ANKRD34C: variants seen among roughly 807,000 people sequenced by gnomAD.
ANKRD34C encodes ankyrin repeat domain-containing protein 34C.
For synonymous variants in ANKRD34C, 260 were observed against 253.6 expected (o/e 1.03, Z -0.24); for missense variants, 563 against 653.0 (o/e 0.86, Z 1.50).
Position 79,293,492 on chromosome 15 carries a change from T to G in ANKRD34C, c.208T>G (p.Tyr70Asp). The G allele has an allele frequency of 6.4e-7, 1 of 1,551,632 alleles. No homozygotes were observed. The highest frequency in any genetic ancestry group is 8.7e-7 in the Non-Finnish European group (1 of 1,146,956). Residue 70 changes from tyrosine (Y) to aspartate (D), a missense_variant, in exon 2 of 2, where the codon TAC becomes GAC. Physicochemically the swap from Tyr to Asp is radical, Grantham distance 160 (BLOSUM62 -3). Coordinates refer to ENST00000421388, the MANE Select transcript of ANKRD34C (RefSeq NM_001146341.2). ...CATCAGCAAGTCCAAGATGGTGAAG[T>G]ACCTGCTGGACAACAGGGCAGACCC... is the stretch of plus-strand genomic sequence containing the variant. ...QSISKSKMVK[Y>D]LLDNRADPNI...
rs1274672421 is a variant in ANKRD34C, at chr15:79,291,599, C to CAGAGAG, written c.-44-1641_-44-1640insGAGAGA. ...ACACACACACACACACACACACACA[C>CAGAGAG]ACAGAGAGAGAGAGAGAGAGAGAGA... On this transcript the variant is annotated intron_variant, in intron 1 of 1. Coordinates refer to ENST00000421388, the MANE Select transcript of ANKRD34C (RefSeq NM_001146341.2). Among the ~76,000 whole-genome samples, 10 of 104,156 alleles carry CAGAGAG rather than the reference C, an allele frequency of 9.6e-5. No homozygotes were observed. In the East Asian group the frequency reaches 2.3e-3, roughly 24 times the overall value. 68.3% of individuals were successfully genotyped at this position (104,156 alleles called of 152,430 possible). A position where few individuals can be genotyped will look rare whatever the true frequency, so the allele number is the denominator to read the frequency against.
At position 79,288,684 on chromosome 15, in the gene ANKRD34C, C is replaced by T. The variant is rs146153029; in HGVS notation, c.-44-4557C>T. Among the ~76,000 whole-genome samples, 1,515 of 152,168 alleles carry T rather than the reference C, an allele frequency of 1.0e-2. 35 individuals carry two copies. Among genetic ancestry groups the T allele is most frequent in the African/African-American group, 0.034 (1,402 of 41,510 alleles). On this transcript the variant is annotated intron_variant, in intron 1 of 1. Transcript: ENST00000421388. ...AGAAAGCAAGGTGAGTGTGTAACAC[C>T]CAGAGACAGGGAAAGTAGGCATGGT... is the stretch of plus-strand genomic sequence containing the variant.
At chr15:79,285,094 C>T (rs77341485) in intron 1 of ANKRD34C, among the ~76,000 whole-genome samples, 1,750 of 152,258 alleles carry the variant, frequency 0.011, 40 homozygotes, top group African/African-American at 0.04. Context: ...CAGGTTTGCA[C>T]GTATTCGAAG....
rs1229312563 is a variant in ANKRD34C at position 79,296,103 on chromosome 15, G to T, written c.*1211G>T. On this transcript the variant is annotated 3_prime_UTR_variant, in exon 2 of 2. Coordinates refer to ENST00000421388, the MANE Select transcript of ANKRD34C (RefSeq NM_001146341.2). ...GTTATTTCCATTTATGTTTCCTCTC[G>T]TGCTGCTGAGATCTATTTGCTCTAT... is the stretch of plus-strand genomic sequence containing the variant. The T allele has an allele frequency of 6.0e-6, 1 of 167,034 alleles. No homozygotes were observed. Among genetic ancestry groups the T allele is most frequent in the Non-Finnish European group, 1.5e-5 (1 of 68,124 alleles). 10.3% of individuals were successfully genotyped at this position (167,034 alleles called of 1,614,324 possible). A position where few individuals can be genotyped will look rare whatever the true frequency, so the allele number is the denominator to read the frequency against.
chr15:79,293,524 C>T lies in ANKRD34C; in HGVS notation c.240C>T (p.Ile80=). The stretch of plus-strand genomic sequence containing the variant: ...TGGACAACAGGGCAGACCCCAATAT[C>T]CAAGATAAGTCTGGCAAGACTGCCC... The part of the protein sequence containing the change: ...YLLDNRADPN[I]QDKSGKTALI... The change falls in exon 2 of 2, where the codon ATC becomes ATT. Residue 80 remains isoleucine, a synonymous_variant. Coordinates refer to ENST00000421388, the MANE Select transcript of ANKRD34C (RefSeq NM_001146341.2). The T allele has an allele frequency of 6.4e-7, 1 of 1,551,522 alleles. No homozygotes were observed. The highest frequency in any genetic ancestry group is 8.7e-7 in the Non-Finnish European group (1 of 1,146,910).
At chr15:79,292,527 T>C (rs1596040274) in intron 1 of ANKRD34C, among the ~76,000 whole-genome samples, 1 of 152,188 alleles carries the variant, frequency 6.6e-6, no homozygotes, top group East Asian at 1.9e-4. Flanking sequence ...ACGGAGAATA[T>C]GAATTCTGAC....
rs1297680100 is a variant in ANKRD34C, at chr15:79,294,647, A to G, written c.1363A>G (p.Ile455Val). Reference sequence around the variant, plus strand: ...TTCTGGAACTCTGCTCCTTGATCGCATTTCTCACACTAGGCCTGGCTTCCT... The same window carrying G: ...TTCTGGAACTCTGCTCCTTGATCGCGTTTCTCACACTAGGCCTGGCTTCCT... ...RGSGTLLLDR[I>V]SHTRPGFLPP... Residue 455 changes from isoleucine to valine, a missense_variant, in exon 2 of 2, where the codon ATT becomes GTT. Coordinates refer to ENST00000421388, the MANE Select transcript of ANKRD34C (RefSeq NM_001146341.2). 6.4e-7 allele frequency: 1 copy of G among 1,551,648 alleles called. No homozygotes were observed. Among genetic ancestry groups the G allele is most frequent in the Non-Finnish European group, 8.7e-7 (1 of 1,146,976 alleles).
At chr15:79,290,188 C>CT (rs11382951) in intron 1 of ANKRD34C, among the ~76,000 whole-genome samples, 27,014 of 108,738 alleles carry the variant, frequency 0.25, 4,068 homozygotes, top group East Asian at 0.48. Context: ...TGACACCCAG[C>CT]TTTTTTTTTT....
chr15:79,293,468 A>G lies in ANKRD34C; in HGVS notation c.184A>G (p.Ile62Val). Residue 62 changes from isoleucine to valine, a missense_variant, in exon 2 of 2, where the codon ATC (isoleucine) becomes GTC (valine). By Grantham distance (29) the Ile-to-Val change is conservative. Coordinates refer to ENST00000421388, the MANE Select transcript of ANKRD34C (RefSeq NM_001146341.2). ...CACCAAACATGTGGACCAGCAAAGC[A>G]TCAGCAAGTCCAAGATGGTGAAGTA... ...CITKHVDQQS[I>V]SKSKMVKYLL... The G allele has an allele frequency of 6.4e-7, 1 of 1,551,708 alleles. No individual in the cohort carries two copies. The highest frequency in any genetic ancestry group is 8.7e-7 in the Non-Finnish European group (1 of 1,146,982).
chr15:79,291,558 T>TCACACACACACA lies in ANKRD34C; in HGVS notation c.-44-1650_-44-1639dup, dbSNP rs138141895. ...CAGAAAGAGAGGAGAGAAAGACCAT[T>TCACACACACACA]CACACACACACACACACACACACAC... On this transcript the variant is annotated intron_variant, in intron 1 of 1. Coordinates refer to ENST00000421388, the MANE Select transcript of ANKRD34C (RefSeq NM_001146341.2). 2.0e-3 allele frequency among the ~76,000 whole-genome samples: 100 copies of TCACACACACACA among 51,002 alleles called. 1 individual carries two copies. The highest frequency in any genetic ancestry group is 7.2e-3 in the East Asian group (19 of 2,622). The allele number at this position is 51,002 out of a possible 152,430, so 33.5% of individuals were successfully genotyped here.
At chr15:79,287,321 C>T (rs558290655) in intron 1 of ANKRD34C, among the ~76,000 whole-genome samples, 70 of 152,228 alleles carry the variant, frequency 4.6e-4, no homozygotes, top group Admixed American at 1.6e-3. Context: ...TAGTACCCAC[C>T]TCATAGTATT....
At chr15:79,283,633 T>A (rs2058635239) in intron 1 of ANKRD34C, 1 of 152,200 alleles carries the variant, frequency 6.6e-6, no homozygotes, top group Non-Finnish European at 1.5e-5. Context: ...TGAGAAATGA[T>A]GGGAGAAGCA....
At chr15:79,289,274 C>A (rs553431787) in intron 1 of ANKRD34C, among the ~76,000 whole-genome samples, 2 of 152,212 alleles carry the variant, frequency 1.3e-5, no homozygotes, top group African/African-American at 4.8e-5. Context: ...TAAGGAACTT[C>A]AGATGGGAGG....
intron 1 of ANKRD34C, among the ~76,000 whole-genome samples, chr15:79,285,620 C>A (rs1419079089): frequency 1.3e-5 from 2 of 152,218 alleles, no homozygotes; most frequent in African/African-American, 4.8e-5. Flanking sequence ...CTTTCATACA[C>A]AAACCCGCAT....
chr15:79,287,235 T>C lies in ANKRD34C; in HGVS notation c.-45+4007T>C, dbSNP rs1212208435. Among the ~76,000 whole-genome samples, 3 of 152,310 alleles carry C rather than the reference T, an allele frequency of 2.0e-5. No individual in the cohort carries two copies. The East Asian group carries it at 5.8e-4, about 29-fold the overall frequency. On this transcript the variant is annotated intron_variant, in intron 1 of 1. Transcript: ENST00000421388. ...ATCTGAATTCCAGCTCCACAGCATA[T>C]TGCCTGGGTGATTTGAGGTAAGTGA...
intron 1 of ANKRD34C, among the ~76,000 whole-genome samples, chr15:79,286,815 T>C (rs750627367): frequency 9.2e-5 from 14 of 152,148 alleles, no homozygotes; most frequent in Non-Finnish European, 1.9e-4. Flanking sequence ...ACATCAAACT[T>C]CAGGACAAGG....
chr15:79,288,275 G>A (rs115278010), intron 1 of ANKRD34C, among the ~76,000 whole-genome samples: 20 of 152,176 alleles, frequency 1.3e-4, no homozygotes, highest in Admixed American at 7.2e-4. Flanking sequence ...GAAAAGTGAC[G>A]CAAGGGAGGA....
intron 1 of ANKRD34C, among the ~76,000 whole-genome samples, chr15:79,285,506 G>A (rs942987456): frequency 2.6e-5 from 4 of 152,128 alleles, no homozygotes; most frequent in Non-Finnish European, 4.4e-5. Context: ...GTTTACATCC[G>A]TTAGCTTATT....
intron 1 of ANKRD34C, among the ~76,000 whole-genome samples, chr15:79,284,976 A>C: frequency 6.6e-6 from 1 of 152,242 alleles, no homozygotes. Flanking sequence ...TTTTAAAACC[A>C]TTTTGAAACA....
Sources: allele counts gnomAD v4.1 joint callset (sites outside exome capture counted in the v4.1 genomes callset), GRCh38; gene constraint gnomAD v4.1.1; transcripts MANE v1.5; gene names NCBI Gene and HGNC (gene_info 2026-07-23, HGNC 2026-07-21).